MDGA2: variants seen among roughly 807,000 people sequenced by gnomAD.
MDGA2 encodes the protein MAM domain-containing glycosylphosphatidylinositol anchor protein 2.
Under a neutral mutation model 117.8 loss-of-function variants are expected in MDGA2, and 40 were observed. That is an observed-to-expected ratio of 0.34 (90% CI 0.26 to 0.44). The LOEUF (loss-of-function observed/expected upper bound fraction) is 0.44. MDGA2 is among the 20% of genes least tolerant of loss of function. The probability of loss-of-function intolerance (pLI) is 1.00; values close to 1 mark genes in which losing one functional copy is unlikely to be tolerated. For synonymous variants in MDGA2, 452 were observed against 439.0 expected, an observed-to-expected ratio of 1.03 and a Z score of -0.37; for missense variants, 1,123 against 1,250.6, an observed-to-expected ratio of 0.90 and a Z score of 1.54.
At chr14:47,115,765 G>C (rs1881295178) in intron 5 of MDGA2, among the ~76,000 whole-genome samples, 2 of 152,006 alleles carry the variant, frequency 1.3e-5, no homozygotes, top group African/African-American at 4.8e-5. Flanking sequence ...CAACAAACTA[G>C]GAATGGTAGG....
chr14:47,465,573 G>GA (rs1043564901), intron 1 of MDGA2, among the ~76,000 whole-genome samples: 13 of 151,970 alleles, frequency 8.6e-5, no homozygotes, highest in Admixed American at 8.5e-4. Flanking sequence ...AGAAGCATAT[G>GA]AAAAAAAGCT....
chr14:47,057,747 C>T (rs1319883473), intron 7 of MDGA2, among the ~76,000 whole-genome samples: 1 of 149,346 alleles, frequency 6.7e-6, no homozygotes, highest in Non-Finnish European at 1.5e-5. Flanking sequence ...CCTGCCCTGC[C>T]TTGCCTTGCC....
At chr14:47,666,891 C>T (rs1320206554) in intron 1 of MDGA2, among the ~76,000 whole-genome samples, 4 of 152,154 alleles carry the variant, frequency 2.6e-5, no homozygotes, top group African/African-American at 7.2e-5. Context: ...CAACTCCAGA[C>T]ATACCGCCTT....
At chr14:47,281,126 A>G (rs1197929647) in intron 2 of MDGA2, among the ~76,000 whole-genome samples, 1 of 150,210 alleles carries the variant, frequency 6.7e-6, no homozygotes, top group African/African-American at 2.4e-5. Flanking sequence ...TTAATGTAAT[A>G]TGAAATAACC....
chr14:47,429,013 T>A (rs1167333809), intron 1 of MDGA2, among the ~76,000 whole-genome samples: 14 of 151,926 alleles, frequency 9.2e-5, no homozygotes, highest in Admixed American at 9.2e-4. Flanking sequence ...TCGCTTGAGG[T>A]CAGAAGTTCG....
rs914038112 is a variant in MDGA2, at chr14:47,317,666, C to A, written c.281-16116G>T. Among the ~76,000 whole-genome samples the A allele has an allele frequency of 6.6e-5, 10 of 152,136 alleles. No homozygotes were observed. The East Asian group carries it at 7.7e-4, about 12-fold the overall frequency. ...ATGGGGAGAGGACCTAGGGCTCATCCCAATTTGGTTGTATAGGGAAAAGAG... is the reference window on the plus strand; with the variant it reads ...ATGGGGAGAGGACCTAGGGCTCATCACAATTTGGTTGTATAGGGAAAAGAG... On this transcript the variant is annotated intron_variant, in intron 1 of 16. Coordinates refer to ENST00000399232, the MANE Select transcript of MDGA2 (RefSeq NM_001113498.3).
In MDGA2 at chr14:47,370,468, G is replaced by GTTTTTTTTTTTTTTTTTTTTTT. The variant is rs67255552; in HGVS notation, c.281-68940_281-68919dup. Among the ~76,000 whole-genome samples, 8 of 20,680 alleles carry GTTTTTTTTTTTTTTTTTTTTTT rather than the reference G, an allele frequency of 3.9e-4. 1 individual carries two copies. Among genetic ancestry groups the GTTTTTTTTTTTTTTTTTTTTTT allele is most frequent in the East Asian group, 2.5e-3 (1 of 398 alleles). 13.6% of individuals were successfully genotyped at this position (20,680 alleles called of 152,430 possible). On this transcript the variant is annotated intron_variant, in intron 1 of 16. Transcript: ENST00000399232. ...TTACTATTTTCTAGGTCTACTTACTGTTTTTTTTTTTTTTTTTTTTTTTTT... is the reference window on the plus strand; with the variant it reads ...TTACTATTTTCTAGGTCTACTTACTGTTTTTTTTTTTTTTTTTTTTTTTTTTTTTTTTTTTTTTTTTTTTTTT...
rs543437105 is a variant in MDGA2 at position 47,318,558 on chromosome 14, A to G, written c.281-17008T>C. Among the ~76,000 whole-genome samples, 6 of 152,236 alleles carry G rather than the reference A, an allele frequency of 3.9e-5. No individual in the cohort carries two copies. In the East Asian group the frequency reaches 5.8e-4, roughly 15 times the overall value. ...CTTAACGTGATACAGTTTTACACAC[A>G]TATCTGTGATTGTTAAAGTCAGTCA... is the stretch of plus-strand genomic sequence containing the variant. On this transcript the variant is annotated intron_variant, in intron 1 of 16. Transcript: ENST00000399232.
intron 1 of MDGA2, among the ~76,000 whole-genome samples, chr14:47,506,867 C>A (rs542461589): frequency 1.3e-5 from 2 of 152,088 alleles, no homozygotes; most frequent in Admixed American, 6.5e-5. Flanking sequence ...TGCAGCAGAG[C>A]CAGCCTAGAT....
At chr14:47,371,021 ACTT>A (rs1891345472) in intron 1 of MDGA2, among the ~76,000 whole-genome samples, 1 of 151,796 alleles carries the variant, frequency 6.6e-6, no homozygotes, top group Non-Finnish European at 1.5e-5. Context: ...GACTTGAAAA[ACTT>A]CTTTAAAAAC....
At chr14:47,207,976 T>C (rs1265727984) in intron 3 of MDGA2, among the ~76,000 whole-genome samples, 5 of 152,028 alleles carry the variant, frequency 3.3e-5, no homozygotes, top group Non-Finnish European at 7.4e-5. Context: ...CAGCTAAGTT[T>C]TTGAAAATAT....
At chr14:47,667,876 T>C (rs1898005063) in intron 1 of MDGA2, among the ~76,000 whole-genome samples, 2 of 152,178 alleles carry the variant, frequency 1.3e-5, no homozygotes, top group South Asian at 4.1e-4. Context: ...ACCCCAAATT[T>C]CAGCCACACC....
At chr14:47,373,213 G>C (rs1891403886) in intron 1 of MDGA2, among the ~76,000 whole-genome samples, 1 of 151,936 alleles carries the variant, frequency 6.6e-6, no homozygotes, top group Non-Finnish European at 1.5e-5. Flanking sequence ...TTTAAATATA[G>C]CAACACTAAT....
chr14:46,904,886 T>C (rs988149018), intron 10 of MDGA2, among the ~76,000 whole-genome samples: 2 of 152,182 alleles, frequency 1.3e-5, no homozygotes, highest in Non-Finnish European at 2.9e-5. Flanking sequence ...AAATTCACAT[T>C]TGTACTATTA....
intron 2 of MDGA2, among the ~76,000 whole-genome samples, chr14:47,250,208 T>A (rs190492552): frequency 6.6e-6 from 1 of 152,318 alleles, no homozygotes; most frequent in Middle Eastern, 3.4e-3. Context: ...CAGAATACTT[T>A]ACTGCTAAAG....
chr14:47,454,907 T>G (rs1377639313), intron 1 of MDGA2, among the ~76,000 whole-genome samples: 1 of 152,128 alleles, frequency 6.6e-6, no homozygotes, highest in African/African-American at 2.4e-5. Flanking sequence ...CTCCTGGAAA[T>G]GGGGACTGTT....
intron 1 of MDGA2, among the ~76,000 whole-genome samples, chr14:47,665,069 T>C (rs1897918594): frequency 6.6e-6 from 1 of 152,184 alleles, no homozygotes. Context: ...GCTGAGGCTT[T>C]ATTACACACC....
At chr14:47,242,678 C>A (rs1032335795) in intron 2 of MDGA2, among the ~76,000 whole-genome samples, 2 of 151,792 alleles carry the variant, frequency 1.3e-5, no homozygotes, top group African/African-American at 4.8e-5. Flanking sequence ...GCTGCCTTCC[C>A]GCAGGGCAGT....
At chr14:47,599,318 T>C (rs1198184402) in intron 1 of MDGA2, among the ~76,000 whole-genome samples, 1 of 151,652 alleles carries the variant, frequency 6.6e-6, no homozygotes, top group Non-Finnish European at 1.5e-5. Flanking sequence ...ATGCTGTTTT[T>C]TTTTTTGCAT....
Sources: gnomAD v4.1 joint callset for allele counts (sites outside exome capture counted in the v4.1 genomes callset) on GRCh38, gnomAD v4.1.1 for gene constraint, MANE v1.5 for transcripts, NCBI Gene and HGNC (gene_info 2026-07-23, HGNC 2026-07-21) for gene names.